The following PDE4D variants were observed in gnomAD, a reference collection of about 807,000 sequenced individuals.
The protein encoded by PDE4D is 3',5'-cyclic-AMP phosphodiesterase 4D.
In PDE4D, 24 loss-of-function variants were observed where a neutral mutation model predicts 87.4. That is an observed-to-expected ratio of 0.27 (90% confidence interval 0.20 to 0.39). The LOEUF (loss-of-function observed/expected upper bound fraction) is 0.39, where lower values mean the gene tolerates loss of function less well. PDE4D is among the 10% of genes least tolerant of loss of function. PDE4D has a pLI of 1.00. For synonymous variants in PDE4D, 384 were observed against 383.2 expected (o/e 1.00, Z -0.02); for missense variants, 714 against 1,041.0 (o/e 0.69, Z 4.32).
intron 1 of PDE4D, among the ~76,000 whole-genome samples, chr5:59,375,206 G>A (rs963948409): frequency 1.3e-5 from 2 of 152,126 alleles, no homozygotes; most frequent in Non-Finnish European, 2.9e-5. Flanking sequence ...GAAGAATATT[G>A]AGACACAGAA....
intron 1 of PDE4D, among the ~76,000 whole-genome samples, chr5:59,238,514 G>T (rs917851413): frequency 5.9e-5 from 9 of 152,106 alleles, no homozygotes; most frequent in East Asian, 1.9e-4. Flanking sequence ...AAGGAAAAAA[G>T]GTCATTCGAC....
intron 1 of PDE4D, among the ~76,000 whole-genome samples, chr5:59,798,002 G>A (rs1214607736): frequency 6.6e-6 from 1 of 152,052 alleles, no homozygotes; most frequent in Non-Finnish European, 1.5e-5. Flanking sequence ...TTGGGAGTCC[G>A]AGTCTGGAGG....
At chr5:60,369,887 T>C (rs1402785210) in intron 1 of PDE4D, among the ~76,000 whole-genome samples, 2 of 152,202 alleles carry the variant, frequency 1.3e-5, no homozygotes, top group Non-Finnish European at 2.9e-5. Context: ...TATTCATTCA[T>C]GAGTTTTTAA....
chr5:59,719,498 A>G (rs752318900), intron 1 of PDE4D, among the ~76,000 whole-genome samples: 5 of 152,176 alleles, frequency 3.3e-5, no homozygotes, highest in Non-Finnish European at 7.3e-5. Context: ...TATATAATTT[A>G]ATAATGCCTG....
In PDE4D at chr5:60,214,776, G is replaced by A. The variant is rs553487100; in HGVS notation, c.-89-29089C>T. Among the ~76,000 whole-genome samples, 15 of 152,232 alleles carry A rather than the reference G, an allele frequency of 9.9e-5. 1 individual carries two copies. In the South Asian group the frequency reaches 2.5e-3, roughly 25 times the overall value. ...AGAGAAAATACCATACTCCAAACAG[G>A]AGTTTGTCCTAAAAGGAGACATTTA... On this transcript the variant is annotated intron_variant, in intron 1 of 16. Transcript: ENST00000502484.
intron 1 of PDE4D, among the ~76,000 whole-genome samples, chr5:60,515,689 G>A (rs759162616): frequency 1.6e-4 from 24 of 148,130 alleles, no homozygotes; most frequent in Admixed American, 2.7e-4. Context: ...TGTATGATAC[G>A]GATGATATGT....
At chr5:59,707,207 T>C (rs73101139) in intron 1 of PDE4D, among the ~76,000 whole-genome samples, 3,413 of 152,304 alleles carry the variant, frequency 0.022, 130 homozygotes, top group African/African-American at 0.078. Flanking sequence ...CAAGTAAAAA[T>C]GACATAGTAC....
At chr5:59,587,883 C>T (rs886453612) in intron 1 of PDE4D, among the ~76,000 whole-genome samples, 2 of 151,940 alleles carry the variant, frequency 1.3e-5, no homozygotes, top group East Asian at 1.9e-4. Flanking sequence ...TAAACAAATA[C>T]GGAGGGAGGA....
intron 1 of PDE4D, among the ~76,000 whole-genome samples, chr5:59,318,220 G>A (rs191076481): frequency 3.3e-5 from 5 of 152,274 alleles, no homozygotes; most frequent in Admixed American, 3.3e-4. Flanking sequence ...ATGGTTTATT[G>A]ACAAATTCAG....
intron 5 of PDE4D, among the ~76,000 whole-genome samples, chr5:59,117,807 C>CTTTTTTTTTTTTTT (rs201039884): frequency 7.0e-6 from 1 of 142,018 alleles, no homozygotes; most frequent in Non-Finnish European, 1.5e-5. Flanking sequence ...AGGTTTTTAA[C>CTTTTTTTTTTTTTT]TTTTTTTTTT....
At chr5:59,386,649 GAAAGAAAGAA>G (rs1373482166) in intron 1 of PDE4D, among the ~76,000 whole-genome samples, 3 of 121,526 alleles carry the variant, frequency 2.5e-5, no homozygotes, top group African/African-American at 8.9e-5. Flanking sequence ...TGTCAAGAAA[GAAAGAAAGAA>G]AAAGAAAAGA....
chr5:60,325,203 A>AAT (rs1393110219), intron 1 of PDE4D, among the ~76,000 whole-genome samples: 1 of 152,186 alleles, frequency 6.6e-6, no homozygotes, highest in African/African-American at 2.4e-5. Context: ...ACCTAAGCCA[A>AAT]ATGAGAACTA....
intron 3 of PDE4D, among the ~76,000 whole-genome samples, chr5:59,192,756 CT>C (rs1744626293): frequency 6.6e-6 from 1 of 152,214 alleles, no homozygotes; most frequent in South Asian, 2.1e-4. Context: ...ATACCAGAGA[CT>C]CTCAACTTCT....
At chr5:60,226,078 G>T (rs1009908302) in intron 1 of PDE4D, among the ~76,000 whole-genome samples, 1 of 151,970 alleles carries the variant, frequency 6.6e-6, no homozygotes, top group South Asian at 2.1e-4. Flanking sequence ...GATATATAAA[G>T]GTACAATAGT....
intron 1 of PDE4D, among the ~76,000 whole-genome samples, chr5:59,813,351 A>G (rs1768582119): frequency 2.0e-5 from 3 of 152,230 alleles, no homozygotes; most frequent in Non-Finnish European, 2.9e-5. Flanking sequence ...GTGTATATAT[A>G]CTATATATAA....
intron 2 of PDE4D, among the ~76,000 whole-genome samples, chr5:60,161,726 AAT>A (rs1295504809): frequency 1.3e-5 from 2 of 152,114 alleles, no homozygotes; most frequent in Non-Finnish European, 2.9e-5. Flanking sequence ...CAAGCTTTTT[AAT>A]ATGTTTCTAA....
At position 59,827,543 on chromosome 5, in the gene PDE4D, C is replaced by A. The variant is rs191097086; in HGVS notation, c.455+65625G>T. The stretch of plus-strand genomic sequence containing the variant: ...ATTCAATGTCTGTTTACACGTTTCA[C>A]AATTTTGTCTAATACTCACTCAATT... On this transcript the variant is annotated intron_variant, in intron 1 of 14. Transcript: ENST00000340635. Among the ~76,000 whole-genome samples the A allele has an allele frequency of 1.1e-3, 170 of 152,244 alleles. 1 individual carries two copies. Among genetic ancestry groups the A allele is most frequent in the Middle Eastern group, 0.01 (3 of 294 alleles).
intron 1 of PDE4D, among the ~76,000 whole-genome samples, chr5:59,689,634 A>G (rs1289828879): frequency 6.6e-6 from 1 of 152,116 alleles, no homozygotes; most frequent in Non-Finnish European, 1.5e-5. Context: ...GGCAAAAGCT[A>G]GAAGCATTCC....
intron 2 of PDE4D, among the ~76,000 whole-genome samples, chr5:60,056,472 T>C (rs1479383263): frequency 6.6e-6 from 1 of 151,938 alleles, no homozygotes; most frequent in South Asian, 2.1e-4. Flanking sequence ...TAACTAGATT[T>C]CCCCGCAAAT....
Sources: allele counts gnomAD v4.1 joint callset (sites outside exome capture counted in the v4.1 genomes callset), GRCh38; gene constraint gnomAD v4.1.1; transcripts MANE v1.5; gene names NCBI Gene and HGNC (gene_info 2026-07-23, HGNC 2026-07-21).